The following RADX variants were observed in gnomAD, a reference collection of about 807,000 sequenced individuals.
The protein encoded by RADX is RPA-related protein RADX.
Under a neutral mutation model 61.6 loss-of-function variants are expected in RADX, and 36 were observed. The ratio of observed to expected loss-of-function variants is 0.58; its 90% CI spans 0.45 to 0.77. RADX has a LOEUF of 0.77. Among genes scored for constraint, RADX ranks in the 30% least tolerant of loss-of-function variants. The pLI is 0.00. For missense variants in RADX, 497 were observed against 651.1 expected, an observed-to-expected ratio of 0.76 and a Z score of 2.58; for synonymous variants, 272 against 237.9, an observed-to-expected ratio of 1.14 and a Z score of -1.32.
At chrX:106,620,800 T>C (rs1324101319) in intron 1 of RADX, among the ~76,000 whole-genome samples, 2 of 112,589 alleles carry the variant, frequency 1.8e-5, no homozygotes, top group Non-Finnish European at 3.7e-5. Flanking sequence ...TTATTTTCAT[T>C]ATTTCTTTTT....
chrX:106,676,899 T>G (rs1928525580), intron 13 of RADX, among the ~76,000 whole-genome samples: 1 of 111,440 alleles, frequency 9.0e-6, no homozygotes, highest in African/African-American at 3.3e-5. Context: ...GTGGCCTTCT[T>G]GATTCCCCGT....
chrX:106,638,030 T>C, intron 8 of RADX, 106 bp downstream of exon 8: 1 of 649,153 alleles, frequency 1.5e-6, no homozygotes, highest in Non-Finnish European at 2.4e-6. Context: ...GGGAGTGATC[T>C]AAAGTTTAGC....
chrX:106,676,036 A>T (rs947078364), intron 13 of RADX, among the ~76,000 whole-genome samples: 1 of 111,949 alleles, frequency 8.9e-6, no homozygotes, highest in Non-Finnish European at 1.9e-5. Flanking sequence ...GAACAGCTGA[A>T]CAGAAGACTT....
intron 12 of RADX, among the ~76,000 whole-genome samples, chrX:106,666,265 A>T (rs1928226524): frequency 8.9e-6 from 1 of 112,165 alleles, no homozygotes; most frequent in Admixed American, 9.4e-5. Context: ...TAATTTGGTT[A>T]CCCATGAAAT....
chrX:106,615,133 G>A (rs1210524069), intron 1 of RADX, among the ~76,000 whole-genome samples: 1 of 111,903 alleles, frequency 8.9e-6, no homozygotes, highest in Non-Finnish European at 1.9e-5. Flanking sequence ...AAACTCTACC[G>A]GGGTCTGGAA....
intron 12 of RADX, among the ~76,000 whole-genome samples, chrX:106,666,977 A>G (rs1764476837): frequency 8.9e-6 from 1 of 112,299 alleles, no homozygotes; most frequent in Non-Finnish European, 1.9e-5. Flanking sequence ...TACTCAATTT[A>G]AGAAATATTT....
At chrX:106,669,840 G>A (rs952712187) in intron 13 of RADX, among the ~76,000 whole-genome samples, 2 of 112,026 alleles carry the variant, frequency 1.8e-5, no homozygotes, top group African/African-American at 6.5e-5. Flanking sequence ...TGTTTAGGTT[G>A]CTGCATAATA....
chrX:106,612,870 GA>G, intron 1 of RADX, 147 bp downstream of exon 1: 1 of 524,027 alleles, frequency 1.9e-6, no homozygotes, highest in Non-Finnish European at 2.9e-6. Context: ...ATGACCAAGG[GA>G]TGCTCAATGA....
chrX:106,668,564 A>G (rs189545380), intron 12 of RADX, among the ~76,000 whole-genome samples: 34 of 111,489 alleles, frequency 3.0e-4, no homozygotes, highest in African/African-American at 1.1e-3. Context: ...AGTCTTTTTT[A>G]TCTACCCCAA....
intron 11 of RADX, among the ~76,000 whole-genome samples, chrX:106,660,744 A>T (rs113592950): frequency 0.11 from 12,285 of 111,848 alleles, 1,641 homozygotes; most frequent in African/African-American, 0.38. Flanking sequence ...TCCTTAACAC[A>T]ATGTCTGGCA....
At position 106,678,131 on chromosome X, in the gene RADX, ATAT is replaced by A. The variant is rs1445867566; in HGVS notation, c.2445_2447del (p.Ile816del). The A allele has an allele frequency of 2.2e-5, 26 of 1,165,210 alleles. No homozygotes were observed. Among genetic ancestry groups the A allele is most frequent in the Non-Finnish European group, 2.6e-5 (22 of 859,442 alleles). ...ACCATCTGCTTTTTACTTTTAGGTG[ATAT>A]TATAAAAGCAGCAACTGAACTGGAT... On this transcript the variant is annotated inframe_deletion, in exon 14 of 14. Coordinates refer to ENST00000372548, the MANE Select transcript of RADX (RefSeq NM_018015.6).
intron 10 of RADX, among the ~76,000 whole-genome samples, chrX:106,645,462 A>G (rs1240974036): frequency 9.1e-6 from 1 of 110,193 alleles, no homozygotes; most frequent in Non-Finnish European, 1.9e-5. Flanking sequence ...TTCTATTTTC[A>G]TTTGTTTCGA....
chrX:106,653,717 T>G (rs992181656), intron 11 of RADX, among the ~76,000 whole-genome samples: 13 of 110,239 alleles, frequency 1.2e-4, no homozygotes, highest in African/African-American at 4.0e-4. Context: ...CCCCAATGTG[T>G]GATGTTCTCC....
rs368227453 is a variant in RADX at position 106,625,127 on chromosome X, C to T, written c.824C>T (p.Ser275Leu). The T allele has an allele frequency of 2.5e-6, 3 of 1,199,284 alleles. No homozygotes were observed. Among genetic ancestry groups the T allele is most frequent in the Non-Finnish European group, 3.4e-6 (3 of 890,591 alleles). ...LEVADSSGTV[S>L]VIMWNALCPE... ...GTTGCTGACAGTTCAGGCACAGTGT[C>T]AGTGATTATGTGGAATGCCCTGTGT... is the stretch of plus-strand genomic sequence containing the variant. Residue 275 changes from serine (S) to leucine (L), a missense_variant, in exon 3 of 14, where the codon TCA becomes TTA. This residue lies in a region of RADX where 196 missense variants were observed against 315.0 expected (regional missense o/e 0.62). Coordinates refer to ENST00000372548, the MANE Select transcript of RADX (RefSeq NM_018015.6).
chrX:106,670,776 CTA>C (rs1928345059), intron 13 of RADX, among the ~76,000 whole-genome samples: 3 of 110,490 alleles, frequency 2.7e-5, no homozygotes, highest in Non-Finnish European at 5.7e-5. Flanking sequence ...TTATAGATAA[CTA>C]GACTGAAAAT....
chrX:106,642,404 C>G (rs1306878872), intron 10 of RADX, among the ~76,000 whole-genome samples: 3 of 111,441 alleles, frequency 2.7e-5, no homozygotes, highest in Non-Finnish European at 3.8e-5. Flanking sequence ...CCCGCACCCC[C>G]CTGCTACCCT....
intron 13 of RADX, among the ~76,000 whole-genome samples, chrX:106,669,926 G>A (rs753567205): frequency 2.8e-4 from 31 of 111,774 alleles, no homozygotes; most frequent in Admixed American, 2.5e-3. Flanking sequence ...ACGTTTTTCT[G>A]TTATTTCTAA....
rs1215585427 is a variant in RADX at position 106,669,251 on chromosome X, G to A, written c.2358G>A (p.Leu786=). Residue 786 remains leucine (L), a synonymous_variant, in exon 13 of 14, where the codon TTG becomes TTA. Coordinates refer to ENST00000372548, the MANE Select transcript of RADX (RefSeq NM_018015.6). Reference sequence around the variant, plus strand: ...GAACATCTCAAATAGACACACTGTTGACCTCCATGAATTACAGCTGTGCAT... The same window carrying A: ...GAACATCTCAAATAGACACACTGTTAACCTCCATGAATTACAGCTGTGCAT... ...DIRTSQIDTL[L]TSMNYSCAYP... 1.7e-6 allele frequency: 2 copies of A among 1,199,461 alleles called. No individual in the cohort carries two copies. The highest frequency in any genetic ancestry group is 2.3e-6 in the Non-Finnish European group (2 of 884,804).
At chrX:106,652,217 G>A (rs1343731741) in intron 11 of RADX, among the ~76,000 whole-genome samples, 4 of 111,128 alleles carry the variant, frequency 3.6e-5, no homozygotes, top group African/African-American at 1.3e-4. Context: ...GGAAGCTGAG[G>A]CAGGAGGATC....
Sources: allele counts gnomAD v4.1 joint callset (sites outside exome capture counted in the v4.1 genomes callset), GRCh38; gene constraint gnomAD v4.1.1; regional missense constraint gnomAD v4.1.1; transcripts MANE v1.5; gene names NCBI Gene and HGNC (gene_info 2026-07-23, HGNC 2026-07-21).